The following NR6A1 variants were observed in gnomAD, a reference collection of about 807,000 sequenced individuals.
NR6A1 encodes the protein nuclear receptor subfamily 6 group A member 1, also known as retinoic acid receptor-related testis-associated receptor.
Under a neutral mutation model 59.1 loss-of-function variants are expected in NR6A1, and 7 were observed. The ratio of observed to expected loss-of-function variants is 0.12; its 90% CI spans 0.07 to 0.22. The LOEUF (loss-of-function observed/expected upper bound fraction) is 0.22, where lower values mean the gene tolerates loss of function less well. Ranked by LOEUF, NR6A1 falls within the 10% of genes least tolerant of loss-of-function variation. The pLI is 1.00. For missense variants in NR6A1, 468 were observed against 611.6 expected, an observed-to-expected ratio of 0.77 and a Z score of 2.48; for synonymous variants, 243 against 236.1, an observed-to-expected ratio of 1.03 and a Z score of -0.27.
intron 3 of NR6A1, among the ~76,000 whole-genome samples, chr9:124,546,926 G>C (rs1358655552): frequency 6.6e-6 from 1 of 152,236 alleles, no homozygotes; most frequent in Non-Finnish European, 1.5e-5. Context: ...GAGGTAAAGA[G>C]ATTTGCTCAG....
intron 2 of NR6A1, among the ~76,000 whole-genome samples, chr9:124,585,843 G>A (rs1406976335): frequency 6.6e-6 from 1 of 152,088 alleles, no homozygotes; most frequent in Non-Finnish European, 1.5e-5. Flanking sequence ...GGACCCTTAA[G>A]AATTATGTTA....
intron 3 of NR6A1, among the ~76,000 whole-genome samples, chr9:124,553,914 A>G (rs1833855647): frequency 6.6e-6 from 1 of 152,094 alleles, no homozygotes. Context: ...CAACCTAGAC[A>G]CAGACTTCTG....
chr9:124,644,271 CTTTTTTTTT>C (rs35401605), intron 2 of NR6A1, among the ~76,000 whole-genome samples: 1 of 96,744 alleles, frequency 1.0e-5, no homozygotes, highest in African/African-American at 4.1e-5. Context: ...ATTAAGTCTT[CTTTTTTTTT>C]TTTTTTTTTT....
chr9:124,526,882 C>T lies in NR6A1; in HGVS notation c.1098G>A (p.Met366Ile), dbSNP rs751421653. Residue 366 changes from methionine to isoleucine, a missense_variant, in exon 8 of 10, where the codon ATG (methionine) becomes ATA (isoleucine). Physicochemically the swap from Met to Ile is conservative, Grantham distance 10. This residue lies in a region of NR6A1 where 176 missense variants were observed against 264.0 expected (regional missense o/e 0.67). Coordinates refer to ENST00000487099, the MANE Select transcript of NR6A1 (RefSeq NM_033334.4). Reference protein sequence around the residue: ...EELHRFSDEGMEVIERLIYLY... With the variant: ...EELHRFSDEGIEVIERLIYLY... ...GGTAGATGAGCCGCTCGATCACCTC[C>T]ATCCCTTCATCACTAAATCTGAGGA... 15 of 1,613,906 alleles carry T rather than the reference C, an allele frequency of 9.3e-6. No homozygotes were observed. In the East Asian group the frequency reaches 2.9e-4, roughly 31 times the overall value.
intron 1 of NR6A1, among the ~76,000 whole-genome samples, chr9:124,768,456 G>A (rs1233890589): frequency 2.0e-5 from 3 of 152,184 alleles, no homozygotes; most frequent in African/African-American, 7.2e-5. Context: ...AAGTGCTAAT[G>A]AACATAAATT....
chr9:124,611,311 G>A (rs1465989786), intron 2 of NR6A1, among the ~76,000 whole-genome samples: 1 of 152,118 alleles, frequency 6.6e-6, no homozygotes, highest in Non-Finnish European at 1.5e-5. Context: ...AGAACCATGA[G>A]TCACGTTCTC....
At chr9:124,637,421 A>G (rs916837566) in intron 2 of NR6A1, among the ~76,000 whole-genome samples, 6 of 152,202 alleles carry the variant, frequency 3.9e-5, no homozygotes, top group Non-Finnish European at 4.4e-5. Context: ...CATTTATTAA[A>G]TATCTATTAC....
At chr9:124,527,272 A>AACAATGTATTAAGT (rs1564164007) in intron 7 of NR6A1, among the ~76,000 whole-genome samples, 8 of 152,226 alleles carry the variant, frequency 5.3e-5, no homozygotes. Context: ...GGAGAAGTAC[A>AACAATGTATTAAGT]ACATTATTAA....
intron 1 of NR6A1, among the ~76,000 whole-genome samples, chr9:124,769,840 T>C (rs1020289819): frequency 6.6e-6 from 1 of 152,248 alleles, no homozygotes; most frequent in Non-Finnish European, 1.5e-5. Flanking sequence ...TCGCCTGCGC[T>C]AATTGCTCCA....
intron 2 of NR6A1, among the ~76,000 whole-genome samples, chr9:124,636,707 G>A (rs1455628597): frequency 6.6e-6 from 1 of 152,148 alleles, no homozygotes; most frequent in Non-Finnish European, 1.5e-5. Flanking sequence ...TTTCTCCTAT[G>A]TCAAAGATCA....
chr9:124,603,773 G>GA (rs879941822), intron 2 of NR6A1, among the ~76,000 whole-genome samples: 1 of 151,736 alleles, frequency 6.6e-6, no homozygotes, highest in African/African-American at 2.4e-5. Context: ...AGGAAAGGGG[G>GA]AAAAAAAACC....
At chr9:124,664,143 G>A (rs1837531698) in intron 2 of NR6A1, among the ~76,000 whole-genome samples, 1 of 152,132 alleles carries the variant, frequency 6.6e-6, no homozygotes, top group Non-Finnish European at 1.5e-5. Context: ...TACATCTGTG[G>A]ATTCATTTTA....
At chr9:124,617,659 G>A (rs539162122) in intron 2 of NR6A1, among the ~76,000 whole-genome samples, 1 of 152,082 alleles carries the variant, frequency 6.6e-6, no homozygotes, top group Admixed American at 6.5e-5. Flanking sequence ...GGGTGTCCTA[G>A]AGTCCACCAG....
At chr9:124,665,085 A>G (rs1260596912) in intron 2 of NR6A1, among the ~76,000 whole-genome samples, 3 of 150,502 alleles carry the variant, frequency 2.0e-5, no homozygotes, top group Non-Finnish European at 4.4e-5. Flanking sequence ...TCCCAGCTAC[A>G]CAGGAGGCTA....
At chr9:124,558,813 C>T (rs1256792278) in intron 2 of NR6A1, among the ~76,000 whole-genome samples, 1 of 152,058 alleles carries the variant, frequency 6.6e-6, no homozygotes, top group Non-Finnish European at 1.5e-5. Context: ...TCAGTCCCTT[C>T]CCCACTGAAA....
intron 2 of NR6A1, among the ~76,000 whole-genome samples, chr9:124,708,167 G>C (rs1451686033): frequency 6.6e-6 from 1 of 152,154 alleles, no homozygotes; most frequent in Non-Finnish European, 1.5e-5. Flanking sequence ...CCTCAGAGTA[G>C]CAGATTTGCT....
intron 2 of NR6A1, among the ~76,000 whole-genome samples, chr9:124,695,683 A>AT (rs1838732417): frequency 6.6e-6 from 1 of 152,012 alleles, no homozygotes; most frequent in Admixed American, 6.6e-5. Context: ...GGGGGTCTTT[A>AT]TAGAAGAGTT....
chr9:124,679,214 A>G (rs1838049682), intron 2 of NR6A1, among the ~76,000 whole-genome samples: 1 of 152,190 alleles, frequency 6.6e-6, no homozygotes. Context: ...ACAAAAATAG[A>G]GCAATTTCCA....
intron 2 of NR6A1, among the ~76,000 whole-genome samples, chr9:124,653,583 T>C (rs1018265620): frequency 1.3e-5 from 2 of 152,148 alleles, no homozygotes; most frequent in African/African-American, 4.8e-5. Context: ...GCAAATTTAT[T>C]TTTTGTAGAT....
Sources: gnomAD v4.1 joint callset for allele counts (sites outside exome capture counted in the v4.1 genomes callset) on GRCh38, gnomAD v4.1.1 for gene constraint, gnomAD v4.1.1 regional missense constraint, MANE v1.5 for transcripts, NCBI Gene and HGNC (gene_info 2026-07-23, HGNC 2026-07-21) for gene names.